Variants in BSG observed in about 807,000 individuals in gnomAD.
BSG encodes the protein basigin.
Under a neutral mutation model 43.1 loss-of-function variants are expected in BSG, and 37 were observed. The ratio of observed to expected loss-of-function variants is 0.86; its 90% CI spans 0.66 to 1.13. The LOEUF is 1.13. Ranked by LOEUF, BSG falls within the 50% of genes most tolerant of loss-of-function variation. The probability of loss-of-function intolerance (pLI) is 0.00; values close to 1 mark genes in which losing one functional copy is unlikely to be tolerated. For synonymous variants in BSG, 309 were observed against 238.7 expected (o/e 1.29, Z -2.72); for missense variants, 599 against 554.2 (o/e 1.08, Z -0.81).
In BSG at chr19:577,909, C is replaced by T. The variant is rs764410306; in HGVS notation, c.203C>T (p.Ser68Phe). The T allele has an allele frequency of 1.2e-6, 2 of 1,600,122 alleles. No individual in the cohort carries two copies. The highest frequency in any genetic ancestry group is 1.7e-6 in the Non-Finnish European group (2 of 1,171,076). The stretch of plus-strand genomic sequence containing the variant: ...GGGCAGGGTCCCAACGACACCTGCT[C>T]CCAGCTCTGGGACGGCGCCCGGCTG... ...FEGQGPNDTCSQLWDGARLDR... is the reference protein window; with the variant it reads ...FEGQGPNDTCFQLWDGARLDR... The change falls in exon 2 of 9, where the codon TCC becomes TTC. Residue 68 changes from serine to phenylalanine, a missense_variant. Ser to Phe is a radical substitution (Grantham distance 155). Coordinates refer to ENST00000333511, the MANE Select transcript of BSG (RefSeq NM_001728.4).
rs1981928057 is a variant in BSG, at chr19:577,987, C to G, written c.281C>G (p.Ser94Cys). ...TYHQHAASTI[S>C]IDTLVEEDTG... ...CACCAGCACGCGGCCAGCACCATCT[C>G]CATCGACACGCTCGTGGAGGAGGAC... The change falls in exon 2 of 9, where the codon TCC becomes TGC. Residue 94 changes from serine (S) to cysteine (C), a missense_variant. Transcript: ENST00000333511. 3 of 1,612,222 alleles carry G rather than the reference C, an allele frequency of 1.9e-6. No individual in the cohort carries two copies. The highest frequency in any genetic ancestry group is 2.5e-6 in the Non-Finnish European group (3 of 1,179,678).
chr19:571,622 G>T, upstream of BSG: 1 of 779,386 alleles, frequency 1.3e-6, no homozygotes, highest in Admixed American at 1.7e-5. Flanking sequence ...ATCCAAATGG[G>T]ATATTTGGGG....
rs763795674 is a variant in BSG at position 581,585 on chromosome 19, C to T, written c.1063C>T (p.Leu355=). ...GAAGCGCCGGAAGCCCGAGGACGTC[C>T]TGGATGGTGAGCCGTCTGCCCTCCT... ...YEKRRKPEDV[L]DDDDAGSAPL... Residue 355 remains leucine, a synonymous_variant, in exon 6 of 9, where the codon CTG becomes TTG. Transcript: ENST00000333511. The T allele has an allele frequency of 1.3e-5, 20 of 1,590,262 alleles. No homozygotes were observed. Among genetic ancestry groups the T allele is most frequent in the Non-Finnish European group, 1.7e-5 (20 of 1,170,770 alleles).
Position 582,789 on chromosome 19 carries a change from G to A in BSG, c.*45G>A, listed in dbSNP as rs1375388583. On this transcript the variant is annotated 3_prime_UTR_variant, in exon 9 of 9. Coordinates refer to ENST00000333511, the MANE Select transcript of BSG (RefSeq NM_001728.4). ...CTCCCTGCTCCACGTCTGCGCCGCC[G>A]CCGGAGTCCACTCCCAGTGCTTGCA... 1.2e-5 allele frequency: 7 copies of A among 598,234 alleles called. No homozygotes were observed. Among genetic ancestry groups the A allele is most frequent in the South Asian group, 4.1e-5 (2 of 49,144 alleles). The allele number at this position is 598,234 out of a possible 1,614,324, so 37.1% of individuals were successfully genotyped here.
chr19:572,555 C>G, upstream of BSG: 1 of 1,395,582 alleles, frequency 7.2e-7, no homozygotes, highest in Non-Finnish European at 9.4e-7. Flanking sequence ...GCCCGGTCCG[C>G]GCCTCCGCCG....
At chr19:571,349 GC>G (rs1188825773), upstream of BSG, 1 of 601,994 alleles carries the variant, frequency 1.7e-6, no homozygotes, top group Non-Finnish European at 3.0e-6. Context: ...CGGTCCTCTT[GC>G]ATTGCGACTC....
chr19:575,538 G>A (rs1048986316), intron 1 of BSG, among the ~76,000 whole-genome samples: 3 of 150,426 alleles, frequency 2.0e-5, no homozygotes, highest in African/African-American at 7.4e-5. Context: ...CGGTGGGGGT[G>A]GGTGGGGGAG....
At chr19:571,795 G>T, upstream of BSG, 1 of 586,376 alleles carries the variant, frequency 1.7e-6, no homozygotes, top group Non-Finnish European at 3.1e-6. Flanking sequence ...TGTTGGCTGG[G>T]GTTGGACGCC....
intron 2 of BSG, chr19:579,249 C>T (rs544039773): frequency 1.3e-5 from 8 of 600,580 alleles, no homozygotes; most frequent in East Asian, 3.6e-5. Context: ...CAGCTGCCAG[C>T]GAAGGGTGCC....
chr19:583,015 T>C lies in BSG; in HGVS notation c.*271T>C. ...GCTTTCAGCCTCTGGGTCTGAGTCA[T>C]GGCCGGGTGGGCGGCACAGCCTTCT... On this transcript the variant is annotated 3_prime_UTR_variant, in exon 9 of 9. Transcript: ENST00000333511. The C allele has an allele frequency of 5.2e-6, 1 of 191,010 alleles. No homozygotes were observed. The highest frequency in any genetic ancestry group is 5.4e-5 in the Admixed American group (1 of 18,396). 11.8% of individuals were successfully genotyped at this position (191,010 alleles called of 1,614,324 possible). A position where few individuals can be genotyped will look rare whatever the true frequency, so the allele number is the denominator to read the frequency against.
intron 1 of BSG, among the ~76,000 whole-genome samples, chr19:573,074 G>A (rs1442198005): frequency 6.6e-6 from 1 of 152,210 alleles, no homozygotes; most frequent in Non-Finnish European, 1.5e-5. Flanking sequence ...GGGGTGACCT[G>A]CTTCCTGGGT....
chr19:582,654 G>A (rs1337112342), intron 8 of BSG, 72 bp downstream of exon 8: 7 of 1,418,886 alleles, frequency 4.9e-6, no homozygotes. Flanking sequence ...AGCCAGGTGT[G>A]GTGGGCGGGA....
rs990826640 is a variant in BSG at position 582,808 on chromosome 19, G to A, written c.*64G>A. ...GCCGCCGCCGGAGTCCACTCCCAGT[G>A]CTTGCAAGATTCCAAGTTCTCACCT... On this transcript the variant is annotated 3_prime_UTR_variant, in exon 9 of 9. Coordinates refer to ENST00000333511, the MANE Select transcript of BSG (RefSeq NM_001728.4). 1.4e-5 allele frequency: 8 copies of A among 581,542 alleles called. No homozygotes were observed. The highest frequency in any genetic ancestry group is 2.9e-5 in the East Asian group (1 of 34,350). The allele number at this position is 581,542 out of a possible 1,614,324, so 36.0% of individuals were successfully genotyped here.
intron 1 of BSG, among the ~76,000 whole-genome samples, chr19:577,201 G>A (rs1021610035): frequency 6.6e-6 from 1 of 152,152 alleles, no homozygotes; most frequent in Non-Finnish European, 1.5e-5. Context: ...GTGGCTGGAG[G>A]TGAGAGGCCC....
chr19:581,534 C>T lies in BSG; in HGVS notation c.1012C>T (p.Leu338=), dbSNP rs200432051. The change falls in exon 6 of 9, where the codon CTG becomes TTG. Residue 338 remains leucine (L), a synonymous_variant. Coordinates refer to ENST00000333511, the MANE Select transcript of BSG (RefSeq NM_001728.4). ...GGGCATCGTGGCTGAGGTGCTGGTGCTGGTCACCATCATCTTCATCTACGA... is the reference window on the plus strand; with the variant it reads ...GGGCATCGTGGCTGAGGTGCTGGTGTTGGTCACCATCATCTTCATCTACGA... The part of the protein sequence containing the change: ...FLGIVAEVLV[L]VTIIFIYEKR... 29 of 1,597,682 alleles carry T rather than the reference C, an allele frequency of 1.8e-5. No individual in the cohort carries two copies. In the East Asian group the frequency reaches 4.8e-4, roughly 26 times the overall value.
chr19:579,735 A>G (rs1982120175), intron 3 of BSG, 79 bp downstream of exon 3: 1 of 1,529,750 alleles, frequency 6.5e-7, no homozygotes, highest in South Asian at 1.3e-5. Context: ...GGTCCGTGAG[A>G]ACAAAAGACC....
chr19:579,756 C>T (rs1466093495), intron 3 of BSG, 100 bp downstream of exon 3: 1 of 1,482,030 alleles, frequency 6.7e-7, no homozygotes, highest in Non-Finnish European at 8.9e-7. Context: ...GGTCGGCAGG[C>T]TTGATCCAGG....
chr19:574,143 C>T (rs1235792128), intron 1 of BSG, among the ~76,000 whole-genome samples: 1 of 151,910 alleles, frequency 6.6e-6, no homozygotes, highest in African/African-American at 2.4e-5. Flanking sequence ...TAATCCCAGC[C>T]ACTCAGGAAG....
rs1373692052 is a variant in BSG at position 582,951 on chromosome 19, C to G, written c.*207C>G. 4.0e-6 allele frequency: 1 copy of G among 252,460 alleles called. No individual in the cohort carries two copies. Among genetic ancestry groups the G allele is most frequent in the African/African-American group, 2.3e-5 (1 of 43,880 alleles). 15.6% of individuals were successfully genotyped at this position (252,460 alleles called of 1,614,324 possible). A position where few individuals can be genotyped will look rare whatever the true frequency, so the allele number is the denominator to read the frequency against. ...GTTTTTTTCCTTCTGAAGTGTTTCA[C>G]GAGAGCCCGGGAGCTGCTGCCCTGC... is the stretch of plus-strand genomic sequence containing the variant. On this transcript the variant is annotated 3_prime_UTR_variant, in exon 9 of 9. Transcript: ENST00000333511.
Sources: allele counts gnomAD v4.1 joint callset (sites outside exome capture counted in the v4.1 genomes callset), GRCh38; gene constraint gnomAD v4.1.1; transcripts MANE v1.5; gene names NCBI Gene and HGNC (gene_info 2026-07-23, HGNC 2026-07-21).